PLRG1: variants seen among roughly 807,000 people sequenced by gnomAD.
PLRG1 encodes pleiotropic regulator 1.
In PLRG1, 28 loss-of-function variants were observed where a neutral mutation model predicts 74.9. The observed-to-expected ratio is 0.37, with a 90% CI of 0.28 to 0.51. The LOEUF is 0.51. PLRG1 is among the 20% of genes least tolerant of loss of function. The pLI, the probability that PLRG1 is intolerant of heterozygous loss-of-function variation, is 0.91. For missense variants in PLRG1, 445 were observed against 631.9 expected (o/e 0.70, Z 3.17); for synonymous variants, 197 against 212.4 (o/e 0.93, Z 0.63).
chr4:154,549,769 T>C (rs952285314), intron 1 of PLRG1: 32 of 456,308 alleles, frequency 7.0e-5, no homozygotes, highest in Non-Finnish European at 4.4e-6. Context: ...TCAATTAAGG[T>C]GGACTGCAGC....
At position 154,546,317 on chromosome 4, in the gene PLRG1, C is replaced by G. The variant is rs576964068; in HGVS notation, c.314-104G>C. 92 of 657,516 alleles carry G rather than the reference C, an allele frequency of 1.4e-4. 2 individuals carry two copies. The South Asian group carries it at 1.6e-3, about 12-fold the overall frequency. 40.7% of individuals were successfully genotyped at this position (657,516 alleles called of 1,614,324 possible). A position where few individuals can be genotyped will look rare whatever the true frequency, so the allele number is the denominator to read the frequency against. On this transcript the variant is annotated intron_variant, in intron 4 of 14. Transcript: ENST00000499023. ...AAAACATACACCAAATGTTTATTATCTCCAGGCAGTGATATTATACAAATT... is the reference window on the plus strand; with the variant it reads ...AAAACATACACCAAATGTTTATTATGTCCAGGCAGTGATATTATACAAATT...
intron 1 of PLRG1, chr4:154,549,560 C>T: frequency 4.7e-5 from 19 of 402,342 alleles, no homozygotes; most frequent in South Asian, 3.5e-4. Context: ...TAGACAAGGT[C>T]CAGATTAGGT....
At chr4:154,540,493 T>C (rs898443037) in intron 10 of PLRG1, 101 bp downstream of exon 10, 1 of 788,168 alleles carries the variant, frequency 1.3e-6, no homozygotes, top group Admixed American at 2.0e-5. Flanking sequence ...AAGACAGCTA[T>C]CTTTAATTCT....
intron 12 of PLRG1, among the ~76,000 whole-genome samples, chr4:154,538,492 AAG>A (rs1376766466): frequency 6.6e-6 from 1 of 151,832 alleles, no homozygotes; most frequent in South Asian, 2.1e-4. Flanking sequence ...GGGCAAGAGG[AAG>A]AGAGAGAACA....
intron 8 of PLRG1, among the ~76,000 whole-genome samples, chr4:154,541,288 T>C (rs1175563928): frequency 6.6e-6 from 1 of 152,144 alleles, no homozygotes; most frequent in Non-Finnish European, 1.5e-5. Flanking sequence ...TTCACACTCA[T>C]TAGAAATTTC....
chr4:154,549,552 G>T (rs1729720736), intron 1 of PLRG1: 1 of 393,552 alleles, frequency 2.5e-6, no homozygotes, highest in Non-Finnish European at 5.1e-6. Flanking sequence ...TGCAAGGGTA[G>T]ACAAGGTCCA....
At position 154,550,390 on chromosome 4, in the gene PLRG1, C is replaced by G; in HGVS notation, c.-82G>C. Reference sequence around the variant, plus strand: ...ACCCGCCGCCACAGCTGTGCAGCACCTTCCGGAATTGGGCGCCCAGGCGGC... The same window carrying G: ...ACCCGCCGCCACAGCTGTGCAGCACGTTCCGGAATTGGGCGCCCAGGCGGC... On this transcript the variant is annotated 5_prime_UTR_variant, in exon 1 of 15. Transcript: ENST00000499023. The G allele has an allele frequency of 4.3e-6, 6 of 1,392,740 alleles. No individual in the cohort carries two copies. The highest frequency in any genetic ancestry group is 5.1e-6 in the Non-Finnish European group (5 of 980,048). The allele number at this position is 1,392,740 out of a possible 1,614,324, so 86.3% of individuals were successfully genotyped here. A position where few individuals can be genotyped will look rare whatever the true frequency, so the allele number is the denominator to read the frequency against.
At chr4:154,537,832 C>T in intron 13 of PLRG1, 137 bp downstream of exon 13, 1 of 543,338 alleles carries the variant, frequency 1.8e-6, no homozygotes, top group South Asian at 3.4e-5. Flanking sequence ...CACATAATAA[C>T]ATGCAAATAT....
chr4:154,543,475 T>A (rs1729591941), intron 7 of PLRG1, among the ~76,000 whole-genome samples: 1 of 152,136 alleles, frequency 6.6e-6, no homozygotes. Context: ...GTATCAAATT[T>A]GATATGTAGC....
chr4:154,549,143 G>C, intron 1 of PLRG1: 1 of 559,918 alleles, frequency 1.8e-6, no homozygotes, highest in South Asian at 1.6e-5. Context: ...GCAACTGAGT[G>C]ATGCCGGAGT....
chr4:154,540,934 T>C lies in PLRG1; in HGVS notation c.688A>G (p.Ile230Val). ...AATTTGCCACTAGCCAAGTCCCAGA[T>C]CTGCAATCAAAGAATATTTATTTTT... ...VTGSADRTIK[I>V]WDLASGKLKL... Residue 230 changes from isoleucine (I) to valine (V), a missense_variant and splice_region_variant, in exon 9 of 15, where the codon ATC (isoleucine) becomes GTC (valine). Around this residue, in one of 3 missense-constraint regions of PLRG1, gnomAD observed 221 missense variants for 377.7 expected, o/e 0.59. Transcript: ENST00000499023. The C allele has an allele frequency of 6.3e-7, 1 of 1,583,320 alleles. No individual in the cohort carries two copies. The highest frequency in any genetic ancestry group is 8.6e-7 in the Non-Finnish European group (1 of 1,168,566).
chr4:154,535,897 T>C lies in PLRG1; in HGVS notation c.*788A>G, dbSNP rs1729438640. On this transcript the variant is annotated 3_prime_UTR_variant, in exon 15 of 15. Transcript: ENST00000499023. ...CCAGAACAAGCCAGCTTTAGTCCCA[T>C]TATTCGACAGTAGCAGAACATTCTT... 6.7e-6 allele frequency: 1 copy of C among 149,176 alleles called. No homozygotes were observed. The highest frequency in any genetic ancestry group is 2.5e-5 in the African/African-American group (1 of 40,474). The allele number at this position is 149,176 out of a possible 1,614,324, so 9.2% of individuals were successfully genotyped here. A position where few individuals can be genotyped will look rare whatever the true frequency, so the allele number is the denominator to read the frequency against.
intron 11 of PLRG1, among the ~76,000 whole-genome samples, chr4:154,539,443 C>T (rs111771120): frequency 0.026 from 3,942 of 151,950 alleles, 158 homozygotes; most frequent in African/African-American, 0.089. Flanking sequence ...ACAGCTAAAA[C>T]AAATGCAAAT....
Position 154,537,276 on chromosome 4 carries a change from C to T in PLRG1, c.1485+10G>A, listed in dbSNP as rs374057950. On this transcript the variant is annotated intron_variant, in intron 14 of 14. Coordinates refer to ENST00000499023, the MANE Select transcript of PLRG1 (RefSeq NM_002669.4). ...TGTTTTACTTAACGAATGTGAAACA[C>T]AGAACTTACGGCTGTGTCATCCTCT... is the stretch of plus-strand genomic sequence containing the variant. The T allele has an allele frequency of 1.9e-6, 3 of 1,589,962 alleles. No individual in the cohort carries two copies. The highest frequency in any genetic ancestry group is 8.6e-7 in the Non-Finnish European group (1 of 1,162,442).
intron 2 of PLRG1, among the ~76,000 whole-genome samples, chr4:154,548,068 T>C (rs1729692160): frequency 6.6e-6 from 1 of 152,198 alleles, no homozygotes; most frequent in African/African-American, 2.4e-5. Flanking sequence ...ATATTTTAGT[T>C]TGTTACCTAA....
chr4:154,546,284 G>C (rs1206648637), intron 4 of PLRG1, 71 bp from the exon 5 acceptor site: 23 of 795,506 alleles, frequency 2.9e-5, no homozygotes, highest in Non-Finnish European at 4.4e-6. Context: ...AAAATAAAAT[G>C]ATGAAGGAAA....
chr4:154,545,798 A>G, intron 6 of PLRG1, 38 bp downstream of exon 6: 2 of 1,262,168 alleles, frequency 1.6e-6, no homozygotes, highest in East Asian at 2.4e-5. Context: ...ACATGTTCCA[A>G]AAGTTAGAAA....
intron 11 of PLRG1, among the ~76,000 whole-genome samples, chr4:154,539,737 T>C (rs1729521639): frequency 6.6e-6 from 1 of 152,106 alleles, no homozygotes; most frequent in Non-Finnish European, 1.5e-5. Flanking sequence ...GGATACTATG[T>C]ATGGCATACT....
intron 10 of PLRG1, 140 bp from the exon 11 acceptor site, chr4:154,540,193 A>G: frequency 6.6e-6 from 4 of 608,188 alleles, no homozygotes; most frequent in South Asian, 4.1e-5. Flanking sequence ...AGTGAAAGAT[A>G]ATGATTTACA....
Sources: allele counts gnomAD v4.1 joint callset (sites outside exome capture counted in the v4.1 genomes callset), GRCh38; gene constraint gnomAD v4.1.1; regional missense constraint gnomAD v4.1.1; transcripts MANE v1.5; gene names NCBI Gene and HGNC (gene_info 2026-07-23, HGNC 2026-07-21).